Variants in FOXJ3 observed in about 807,000 individuals in gnomAD.
The protein encoded by FOXJ3 is forkhead box J3, also known as forkhead box protein J3.
FOXJ3 carries 22 observed loss-of-function variants against 76.1 expected under a neutral mutation model. The observed-to-expected ratio is 0.29, with a 90% CI of 0.21 to 0.41. The LOEUF is 0.41. Ranked by LOEUF, FOXJ3 falls within the 10% of genes least tolerant of loss-of-function variation. The probability of loss-of-function intolerance (pLI) is 1.00; values close to 1 mark genes in which losing one functional copy is unlikely to be tolerated. For synonymous variants in FOXJ3, 269 were observed against 261.2 expected (o/e 1.03, Z -0.29); for missense variants, 613 against 762.1 (o/e 0.80, Z 2.30).
chr1:42,291,105 GAT>G, intron 2 of FOXJ3, among the ~76,000 whole-genome samples: 1 of 149,926 alleles, frequency 6.7e-6, no homozygotes, highest in Non-Finnish European at 1.5e-5. Flanking sequence ...CAGACAGATA[GAT>G]CCACAGTCAC....
At chr1:42,324,115 G>GTGTATATACTA (rs1553170589) in intron 1 of FOXJ3, among the ~76,000 whole-genome samples, 21 of 52,196 alleles carry the variant, frequency 4.0e-4, no homozygotes, top group East Asian at 1.0e-3. Flanking sequence ...TATATACACT[G>GTGTATATACTA]TATATACACA....
chr1:42,222,599 T>C lies in FOXJ3; in HGVS notation c.528+5284A>G, dbSNP rs531017367. On this transcript the variant is annotated intron_variant, in intron 5 of 12. Transcript: ENST00000361346. ...GTCTGATAAGCATGAATTTTTATAA[T>C]GCAAATTAACTTCAAAAAGGAAAAT... 2.0e-5 allele frequency among the ~76,000 whole-genome samples: 3 copies of C among 152,330 alleles called. No individual in the cohort carries two copies. In the South Asian group the frequency reaches 6.2e-4, roughly 32 times the overall value.
At chr1:42,235,831 T>C (rs569119209) in intron 4 of FOXJ3, among the ~76,000 whole-genome samples, 1 of 152,234 alleles carries the variant, frequency 6.6e-6, no homozygotes, top group South Asian at 2.1e-4. Context: ...GCATTACAGG[T>C]GTGAGCCACT....
chr1:42,313,386 T>C (rs1219749461), intron 1 of FOXJ3, among the ~76,000 whole-genome samples: 1 of 151,030 alleles, frequency 6.6e-6, no homozygotes, highest in Non-Finnish European at 1.5e-5. Flanking sequence ...AGGGTAGCCC[T>C]AGGATGGTTG....
chr1:42,326,458 T>C (rs1655836243), intron 1 of FOXJ3, among the ~76,000 whole-genome samples: 1 of 152,154 alleles, frequency 6.6e-6, no homozygotes, highest in African/African-American at 2.4e-5. Flanking sequence ...ATAACTTCTC[T>C]ATATACTGTT....
At chr1:42,254,160 G>T (rs1650368083) in intron 4 of FOXJ3, among the ~76,000 whole-genome samples, 1 of 152,234 alleles carries the variant, frequency 6.6e-6, no homozygotes, top group Middle Eastern at 3.4e-3. Flanking sequence ...CGAAGGATAT[G>T]AACAGACACT....
chr1:42,289,204 T>C (rs1653259623), intron 2 of FOXJ3, among the ~76,000 whole-genome samples: 1 of 151,158 alleles, frequency 6.6e-6, no homozygotes, highest in East Asian at 1.9e-4. Flanking sequence ...AATATTTATA[T>C]ATGAATATGT....
At chr1:42,223,924 T>C (rs1192964953) in intron 5 of FOXJ3, among the ~76,000 whole-genome samples, 1 of 152,272 alleles carries the variant, frequency 6.6e-6, no homozygotes, top group Non-Finnish European at 1.5e-5. Context: ...CTGGCTTTGG[T>C]ATTTTTTAGT....
Position 42,205,855 on chromosome 1 carries a change from A to C in FOXJ3, c.537T>G (p.Thr179=). The change falls in exon 6 of 13, where the codon ACT becomes ACG. Residue 179 remains threonine (T), a synonymous_variant. Coordinates refer to ENST00000361346, the MANE Select transcript of FOXJ3 (RefSeq NM_014947.5). ...AAGAATCTGAATCTATGCTATATGG[A>C]GTTGAGGCCTAAAATACAAGAACAA... is the stretch of plus-strand genomic sequence containing the variant. The part of the protein sequence containing the change: ...KRARSVERAS[T]PYSIDSDSLG... 6.3e-7 allele frequency: 1 copy of C among 1,595,498 alleles called. No individual in the cohort carries two copies. The highest frequency in any genetic ancestry group is 8.6e-7 in the Non-Finnish European group (1 of 1,165,294).
chr1:42,308,786 C>T (rs933226119), intron 2 of FOXJ3, among the ~76,000 whole-genome samples: 2 of 152,042 alleles, frequency 1.3e-5, no homozygotes, highest in African/African-American at 4.8e-5. Context: ...TACCTCTTCT[C>T]TTTCATCAAA....
chr1:42,229,432 A>T (rs1185048532), intron 4 of FOXJ3, among the ~76,000 whole-genome samples: 2 of 152,228 alleles, frequency 1.3e-5, no homozygotes, highest in Non-Finnish European at 2.9e-5. Flanking sequence ...AAAGCTGTTT[A>T]ACAAACTGCA....
intron 4 of FOXJ3, among the ~76,000 whole-genome samples, chr1:42,254,458 T>C (rs1352944790): frequency 6.9e-5 from 10 of 144,780 alleles, no homozygotes; most frequent in Non-Finnish European, 1.4e-4. Context: ...AGCCATCCCA[T>C]TACTGGGTAT....
intron 1 of FOXJ3, among the ~76,000 whole-genome samples, chr1:42,311,678 A>AGTAGTAGTAGTAGTAGTAGTAGT (rs3070626): frequency 6.6e-6 from 1 of 152,124 alleles, no homozygotes; most frequent in African/African-American, 2.4e-5. Context: ...TAGTAGTAGT[A>AGTAGTAGTAGTAGTAGTAGTAGT]AAGAGAAGCA....
intron 2 of FOXJ3, 62 bp from the exon 3 acceptor site, chr1:42,278,734 C>T (rs559408314): frequency 1.7e-6 from 2 of 1,193,526 alleles, no homozygotes; most frequent in Non-Finnish European, 2.4e-6. Flanking sequence ...TCAAAATATC[C>T]AATATTCACA....
intron 1 of FOXJ3, among the ~76,000 whole-genome samples, chr1:42,322,416 G>C (rs1372540268): frequency 6.6e-6 from 1 of 151,802 alleles, no homozygotes; most frequent in Non-Finnish European, 1.5e-5. Flanking sequence ...CTGACATAGG[G>C]GTGAAAAGAC....
chr1:42,218,820 G>A (rs1647122461), intron 5 of FOXJ3, among the ~76,000 whole-genome samples: 1 of 152,076 alleles, frequency 6.6e-6, no homozygotes, highest in Non-Finnish European at 1.5e-5. Flanking sequence ...CAAATGTGAA[G>A]TCCTATCACT....
intron 5 of FOXJ3, among the ~76,000 whole-genome samples, chr1:42,214,689 T>C (rs1007490509): frequency 4.6e-5 from 7 of 152,336 alleles, no homozygotes; most frequent in Non-Finnish European, 8.8e-5. Flanking sequence ...TGCTGCAGCT[T>C]TGCCCCAAGA....
intron 3 of FOXJ3, among the ~76,000 whole-genome samples, chr1:42,269,112 T>C (rs1028337606): frequency 6.6e-6 from 1 of 152,088 alleles, no homozygotes; most frequent in Non-Finnish European, 1.5e-5. Context: ...GCAGCCTGAA[T>C]GAACTAAGAT....
At chr1:42,253,844 T>C (rs1650330577) in intron 4 of FOXJ3, among the ~76,000 whole-genome samples, 1 of 151,952 alleles carries the variant, frequency 6.6e-6, no homozygotes, top group Non-Finnish European at 1.5e-5. Flanking sequence ...ATGTTAGACC[T>C]AAAACCATAA....
Sources: gnomAD v4.1 joint callset for allele counts (sites outside exome capture counted in the v4.1 genomes callset) on GRCh38, gnomAD v4.1.1 for gene constraint, MANE v1.5 for transcripts, NCBI Gene and HGNC (gene_info 2026-07-23, HGNC 2026-07-21) for gene names.